Variants in WWOX observed in about 807,000 individuals in gnomAD.
The protein encoded by WWOX is WW domain containing oxidoreductase.
In WWOX, 69 loss-of-function variants were observed where a neutral mutation model predicts 46.2. The ratio of observed to expected loss-of-function variants is 1.49; its 90% CI spans 1.23 to 1.82. The LOEUF (loss-of-function observed/expected upper bound fraction) is 1.82, where lower values mean the gene tolerates loss of function less well. Among genes scored for constraint, WWOX ranks in the 40% most tolerant of loss-of-function variants. The pLI is 0.00. For missense variants in WWOX, 919 were observed against 542.6 expected (o/e 1.69, Z -6.89); for synonymous variants, 359 against 202.6 (o/e 1.77, Z -6.56).
intron 8 of WWOX, among the ~76,000 whole-genome samples, chr16:78,688,951 C>CTT (rs2047924739): frequency 6.6e-6 from 1 of 152,148 alleles, no homozygotes; most frequent in South Asian, 2.1e-4. Context: ...CTTCCTGCTG[C>CTT]CGTTTGAAGA....
intron 8 of WWOX, among the ~76,000 whole-genome samples, chr16:78,932,220 C>G (rs898609248): frequency 6.6e-6 from 1 of 152,180 alleles, no homozygotes; most frequent in Admixed American, 6.5e-5. Context: ...TTTTTCTAAG[C>G]TCCTCATAAA....
At chr16:78,813,053 A>G (rs1028738162) in intron 8 of WWOX, among the ~76,000 whole-genome samples, 4 of 152,016 alleles carry the variant, frequency 2.6e-5, no homozygotes, top group Non-Finnish European at 5.9e-5. Flanking sequence ...GTCTAGTTAT[A>G]GGAAAATACT....
intron 5 of WWOX, among the ~76,000 whole-genome samples, chr16:78,169,643 T>A (rs1056889334): frequency 6.6e-6 from 1 of 152,068 alleles, no homozygotes; most frequent in Non-Finnish European, 1.5e-5. Flanking sequence ...AAATTTTAGT[T>A]TCTAAATTTT....
At chr16:79,200,354 A>G (rs1469144897) in intron 8 of WWOX, among the ~76,000 whole-genome samples, 1 of 152,204 alleles carries the variant, frequency 6.6e-6, no homozygotes, top group Non-Finnish European at 1.5e-5. Context: ...AAGTGTATGC[A>G]TGATTCTGGG....
At chr16:78,371,675 A>G (rs1286117522) in intron 5 of WWOX, among the ~76,000 whole-genome samples, 2 of 151,900 alleles carry the variant, frequency 1.3e-5, no homozygotes, top group Non-Finnish European at 2.9e-5. Flanking sequence ...TGCATCATCC[A>G]TTTTTATCTT....
chr16:78,355,968 A>C (rs999794495), intron 5 of WWOX: 4 of 190,260 alleles, frequency 2.1e-5, no homozygotes, highest in Admixed American at 6.2e-5. Context: ...TCCACTCCTG[A>C]AATGAGTTGA....
intron 8 of WWOX, among the ~76,000 whole-genome samples, chr16:78,904,441 G>A (rs956251425): frequency 6.6e-6 from 1 of 151,944 alleles, no homozygotes; most frequent in Non-Finnish European, 1.5e-5. Context: ...GTTTCAGCAT[G>A]TTGGCCAGGA....
At chr16:78,579,664 T>C (rs567078501) in intron 8 of WWOX, among the ~76,000 whole-genome samples, 1 of 152,320 alleles carries the variant, frequency 6.6e-6, no homozygotes, top group South Asian at 2.1e-4. Flanking sequence ...ATCATCTCTG[T>C]CTCTATCACA....
intron 8 of WWOX, among the ~76,000 whole-genome samples, chr16:79,093,041 T>A (rs2150607453): frequency 6.6e-6 from 1 of 152,366 alleles, no homozygotes; most frequent in South Asian, 2.1e-4. Flanking sequence ...CACCACTACT[T>A]TTTACCTAGC....
At chr16:78,455,040 A>G (rs764532424) in intron 8 of WWOX, among the ~76,000 whole-genome samples, 7 of 152,196 alleles carry the variant, frequency 4.6e-5, no homozygotes, top group Non-Finnish European at 8.8e-5. Flanking sequence ...TCTTGGCTCT[A>G]TGGGTGCCTA....
chr16:78,678,885 C>T (rs1006945421), intron 8 of WWOX, among the ~76,000 whole-genome samples: 3 of 152,176 alleles, frequency 2.0e-5, no homozygotes, highest in Non-Finnish European at 2.9e-5. Context: ...GACTGAGGCT[C>T]ACAGAGGTTA....
chr16:78,959,314 C>G (rs1053216385), intron 8 of WWOX, among the ~76,000 whole-genome samples: 7 of 152,152 alleles, frequency 4.6e-5, no homozygotes, highest in Non-Finnish European at 8.8e-5. Context: ...TTACCTGTTG[C>G]TATATCTGCT....
chr16:79,208,296 C>G (rs1035815706), intron 8 of WWOX, among the ~76,000 whole-genome samples: 5 of 152,036 alleles, frequency 3.3e-5, no homozygotes, highest in African/African-American at 9.7e-5. Flanking sequence ...AACTCATTGC[C>G]ATTGCTGCGG....
chr16:78,788,504 A>T (rs755801276), intron 8 of WWOX, among the ~76,000 whole-genome samples: 4 of 152,090 alleles, frequency 2.6e-5, no homozygotes, highest in Non-Finnish European at 5.9e-5. Flanking sequence ...TCCCATAAAA[A>T]CCCAAGAGGG....
intron 8 of WWOX, among the ~76,000 whole-genome samples, chr16:78,962,038 G>T (rs1188106517): frequency 6.6e-6 from 1 of 152,072 alleles, no homozygotes; most frequent in Admixed American, 6.6e-5. Flanking sequence ...AGCAAGTCTG[G>T]ATGTGACTTC....
intron 6 of WWOX, among the ~76,000 whole-genome samples, chr16:78,398,259 C>G (rs1597164013): frequency 6.6e-6 from 1 of 152,180 alleles, no homozygotes; most frequent in South Asian, 2.1e-4. Flanking sequence ...CCTCTGGGAT[C>G]TGATCCCTTC....
In WWOX at chr16:78,831,881, C is replaced by T. The variant is rs374580812; in HGVS notation, c.1057-379727C>T. Among the ~76,000 whole-genome samples the T allele has an allele frequency of 9.3e-4, 142 of 152,248 alleles. 1 individual carries two copies. In the South Asian group the frequency reaches 0.022, roughly 23 times the overall value. ...GGGAGGAAAACATCCTTGGCAGGTT[C>T]GCATATTGGTGATCTCGTCGTAATT... On this transcript the variant is annotated intron_variant, in intron 8 of 8. Coordinates refer to ENST00000566780, the MANE Select transcript of WWOX (RefSeq NM_016373.4).
chr16:78,604,017 A>G (rs1242799023), intron 8 of WWOX, among the ~76,000 whole-genome samples: 1 of 152,082 alleles, frequency 6.6e-6, no homozygotes, highest in African/African-American at 2.4e-5. Context: ...GGTGGCACAC[A>G]CCTATAGTCC....
At chr16:78,352,013 G>C (rs900335164) in intron 5 of WWOX, among the ~76,000 whole-genome samples, 4 of 152,252 alleles carry the variant, frequency 2.6e-5, no homozygotes, top group African/African-American at 9.6e-5. Flanking sequence ...ATGTTTGGTG[G>C]GAGCAGTTGA....
Sources: allele counts gnomAD v4.1 joint callset (sites outside exome capture counted in the v4.1 genomes callset), GRCh38; gene constraint gnomAD v4.1.1; transcripts MANE v1.5; gene names NCBI Gene and HGNC (gene_info 2026-07-23, HGNC 2026-07-21).